MAU2: variants seen among roughly 807,000 people sequenced by gnomAD.
The protein encoded by MAU2 is MAU2 sister chromatid cohesion factor.
In MAU2, 9 loss-of-function variants were observed where a neutral mutation model predicts 89.1. That is an observed-to-expected ratio of 0.10 (90% confidence interval 0.06 to 0.18). The LOEUF is 0.18. MAU2 is among the 10% of genes least tolerant of loss of function. The probability of loss-of-function intolerance (pLI) is 1.00; values close to 1 mark genes in which losing one functional copy is unlikely to be tolerated. For synonymous variants in MAU2, 357 were observed against 343.4 expected, an observed-to-expected ratio of 1.04 and a Z score of -0.44; for missense variants, 425 against 803.5, an observed-to-expected ratio of 0.53 and a Z score of 5.69.
chr19:19,353,499 T>C (rs1252973334), intron 16 of MAU2: 2 of 152,316 alleles, frequency 1.3e-5, no homozygotes, highest in South Asian at 2.1e-4. Flanking sequence ...GGAGCATCTC[T>C]GCACTCTGGA....
chr19:19,344,886 G>A lies in MAU2; in HGVS notation c.1115G>A (p.Arg372Gln). 2.5e-6 allele frequency: 4 copies of A among 1,613,716 alleles called. No individual in the cohort carries two copies. The highest frequency in any genetic ancestry group is 3.4e-6 in the Non-Finnish European group (4 of 1,179,998). Reference sequence around the variant, plus strand: ...TGCCAGCTGTGCCAGCAGTCCCCCCGGCTCTTCTCCAACCATGCAGCACAG... The same window carrying A: ...TGCCAGCTGTGCCAGCAGTCCCCCCAGCTCTTCTCCAACCATGCAGCACAG... The part of the protein sequence containing the change: ...QVCQLCQQSP[R>Q]LFSNHAAQLH... The change falls in exon 11 of 19, where the codon CGG becomes CAG. Residue 372 changes from arginine to glutamine, a missense_variant. By Grantham distance (43) the Arg-to-Gln change is conservative. Coordinates refer to ENST00000262815, the MANE Select transcript of MAU2 (RefSeq NM_015329.4).
In MAU2 at chr19:19,345,292, A is replaced by G; in HGVS notation, c.1156-12A>G. On this transcript the variant is annotated splice_polypyrimidine_tract_variant and intron_variant, in intron 11 of 18. Coordinates refer to ENST00000262815, the MANE Select transcript of MAU2 (RefSeq NM_015329.4). The surrounding 1 kb of genome is among the most constrained non-coding windows in gnomAD (Gnocchi z 4.9). The stretch of plus-strand genomic sequence containing the variant: ...AGGGGCCGGCCCTGATGACAACACC[A>G]CCTTCTTCCAGGGCCTGTACTGTGT... 3 of 1,612,592 alleles carry G rather than the reference A, an allele frequency of 1.9e-6. No individual in the cohort carries two copies. Among genetic ancestry groups the G allele is most frequent in the Non-Finnish European group, 2.5e-6 (3 of 1,179,094 alleles).
At chr19:19,338,356 G>A (rs191451261) in intron 4 of MAU2, among the ~76,000 whole-genome samples, 17 of 152,348 alleles carry the variant, frequency 1.1e-4, no homozygotes, top group African/African-American at 3.6e-4. Context: ...CCCAAGGGCC[G>A]AGCTCTTCAC....
intron 1 of MAU2, among the ~76,000 whole-genome samples, chr19:19,332,145 T>A (rs2061560011): frequency 6.6e-6 from 1 of 152,144 alleles, no homozygotes; most frequent in Non-Finnish European, 1.5e-5. Context: ...AGCCACAACT[T>A]TAAAGTCAAA....
chr19:19,344,284 C>T (rs1447076914), intron 10 of MAU2: 2 of 293,602 alleles, frequency 6.8e-6, no homozygotes, highest in South Asian at 3.3e-5. Flanking sequence ...TGGTGGCAGA[C>T]ACCTGTAATC....
intron 1 of MAU2, among the ~76,000 whole-genome samples, chr19:19,326,719 T>TATATATATATATGTATATATATATATAC (rs1327254833): frequency 2.2e-3 from 62 of 28,530 alleles, no homozygotes; most frequent in Middle Eastern, 0.017. Flanking sequence ...TATATATATA[T>TATATATATATATGTATATATATATATAC]ACATATATAT....
rs1028442938 is a variant in MAU2, at chr19:19,345,162, A to G, written c.1156-142A>G. 1 of 787,676 alleles carries G rather than the reference A, an allele frequency of 1.3e-6. No individual in the cohort carries two copies. The highest frequency in any genetic ancestry group is 2.1e-6 in the Non-Finnish European group (1 of 469,128). 48.8% of individuals were successfully genotyped at this position (787,676 alleles called of 1,614,324 possible). On this transcript the variant is annotated intron_variant, in intron 11 of 18. Transcript: ENST00000262815. This position sits in a 1 kb window ranked among gnomAD's most constrained non-coding sequence, Gnocchi z 4.9. ...TCTGAAAGGTGGGGACAGTGAGCAT[A>G]TTACCTGCCTTGCAGCTGGCTCGGT...
chr19:19,349,521 C>T (rs1186449366), intron 16 of MAU2, 85 bp downstream of exon 16: 11 of 1,175,034 alleles, frequency 9.4e-6, no homozygotes, highest in Non-Finnish European at 1.4e-5. Context: ...CTAAGGGTGG[C>T]ATGGCACTGT....
chr19:19,347,244 G>T, intron 12 of MAU2, 36 bp from the exon 13 acceptor site: 1 of 1,460,464 alleles, frequency 6.8e-7, no homozygotes, highest in East Asian at 2.3e-5. Context: ...CACAGCACCC[G>T]ACCCAGCCCC....
chr19:19,347,044 G>A, intron 12 of MAU2: 1 of 515,276 alleles, frequency 1.9e-6, no homozygotes, highest in Non-Finnish European at 3.5e-6. Context: ...GATTGGGGTG[G>A]CTGGTTTTCC....
At chr19:19,347,435 G>T (rs1210075670) in intron 13 of MAU2, 69 bp downstream of exon 13, 3 of 1,279,496 alleles carry the variant, frequency 2.3e-6, no homozygotes, top group South Asian at 1.2e-5. Flanking sequence ...CCAGGGGGTT[G>T]TCCTGGGCAC....
chr19:19,324,886 A>G (rs548168441), intron 1 of MAU2, among the ~76,000 whole-genome samples: 20 of 152,326 alleles, frequency 1.3e-4, no homozygotes, highest in Non-Finnish European at 1.5e-4. Flanking sequence ...GTGTTACAAC[A>G]TAAGCATGCT....
chr19:19,347,514 A>G (rs2061703283), intron 13 of MAU2, 148 bp downstream of exon 13: 1 of 631,124 alleles, frequency 1.6e-6, no homozygotes, highest in Non-Finnish European at 2.9e-6. Flanking sequence ...ACAGACACAC[A>G]AGGCGACCCA....
At chr19:19,331,742 C>CA (rs796811451) in intron 1 of MAU2, among the ~76,000 whole-genome samples, 3,146 of 143,312 alleles carry the variant, frequency 0.022, 104 homozygotes, top group African/African-American at 0.075. Flanking sequence ...CCTGTCTCTA[C>CA]AAAAAAAAAA....
intron 10 of MAU2, chr19:19,344,537 T>G: frequency 9.1e-6 from 4 of 440,948 alleles, no homozygotes; most frequent in East Asian, 3.8e-5. Context: ...CACCCTGCCA[T>G]TAGGAACACT....
rs190966391 is a variant in MAU2 at position 19,324,950 on chromosome 19, A to G, written c.276+3815A>G. Among the ~76,000 whole-genome samples the G allele has an allele frequency of 5.3e-5, 8 of 152,254 alleles. No individual in the cohort carries two copies. In the East Asian group the frequency reaches 1.5e-3, roughly 29 times the overall value. ...TGCATTTTTTCCCAATCAGGGAGCT[A>G]TCAACTTTTATTCTTTCCTTCCCCA... is the stretch of plus-strand genomic sequence containing the variant. On this transcript the variant is annotated intron_variant, in intron 1 of 18. Coordinates refer to ENST00000262815, the MANE Select transcript of MAU2 (RefSeq NM_015329.4).
rs375338867 is a variant in MAU2 at position 19,348,844 on chromosome 19, C to T, written c.1309-45C>T. The T allele has an allele frequency of 2.6e-4, 418 of 1,605,058 alleles. 1 individual carries two copies. The highest frequency in any genetic ancestry group is 3.4e-4 in the Non-Finnish European group (402 of 1,171,930). On this transcript the variant is annotated intron_variant, in intron 13 of 18. Transcript: ENST00000262815. The stretch of plus-strand genomic sequence containing the variant: ...TGCAGTGTGTCTTGGGGACCTTTCT[C>T]CTGTGAAGATGCAGAATGGTGCTGA...
chr19:19,332,326 A>ATTT (rs35913129), intron 1 of MAU2, among the ~76,000 whole-genome samples: 1,355 of 101,930 alleles, frequency 0.013, 55 homozygotes, highest in African/African-American at 0.046. Flanking sequence ...TGCCTGGCTG[A>ATTT]TTTTTTTTTT....
chr19:19,343,505 A>G (rs1023647026), intron 9 of MAU2, among the ~76,000 whole-genome samples: 5 of 152,174 alleles, frequency 3.3e-5, no homozygotes, highest in Non-Finnish European at 5.9e-5. Context: ...GCTCTGCTGC[A>G]TGGTGTCATG....
Sources: gnomAD v4.1 joint callset for allele counts (sites outside exome capture counted in the v4.1 genomes callset) on GRCh38, gnomAD v4.1.1 for gene constraint, Gnocchi (gnomAD v3.1) non-coding constraint, MANE v1.5 for transcripts, NCBI Gene and HGNC (gene_info 2026-07-23, HGNC 2026-07-21) for gene names.